GFM1: variants seen among roughly 807,000 people sequenced by gnomAD.
GFM1 encodes the protein G elongation factor mitochondrial 1.
GFM1 carries 62 observed loss-of-function variants against 96.2 expected under a neutral mutation model. The ratio of observed to expected loss-of-function variants is 0.64; its 90% CI spans 0.53 to 0.80. The LOEUF is 0.80. Ranked by LOEUF, GFM1 falls within the 30% of genes least tolerant of loss-of-function variation. The pLI is 0.00. For synonymous variants in GFM1, 282 were observed against 312.9 expected (o/e 0.90, Z 1.04); for missense variants, 852 against 916.6 (o/e 0.93, Z 0.91).
At chr3:158,652,929 A>G (rs1263116122) in intron 6 of GFM1, among the ~76,000 whole-genome samples, 1 of 152,024 alleles carries the variant, frequency 6.6e-6, no homozygotes, top group Non-Finnish European at 1.5e-5. Context: ...ACCATTCCAT[A>G]GGCTTTTGGT....
At chr3:158,664,787 C>T (rs980115531) in intron 11 of GFM1, among the ~76,000 whole-genome samples, 2 of 152,106 alleles carry the variant, frequency 1.3e-5, no homozygotes, top group Admixed American at 6.6e-5. Flanking sequence ...ATTAGGGTAT[C>T]TTTGGAGGGC....
chr3:158,687,721 GCCT>G, intron 15 of GFM1, among the ~76,000 whole-genome samples: 1 of 152,194 alleles, frequency 6.6e-6, no homozygotes, highest in South Asian at 2.1e-4. Context: ...ACCTGCCTCC[GCCT>G]CCCAAAGTGC....
rs1402362655 is a variant in GFM1, at chr3:158,690,261, C to T, written c.2008C>T (p.Arg670Ter). 14 of 1,613,570 alleles carry T rather than the reference C, an allele frequency of 8.7e-6. No homozygotes were observed. Among genetic ancestry groups the T allele is most frequent in the South Asian group, 4.4e-5 (4 of 91,076 alleles). ...FQGQVIAGINRRHGVITGQDG... is the reference protein window; with the variant it reads ...FQGQVIAGIN ...GGGACAAGTAATTGCAGGAATTAACCGACGCCATGGGGTAATCACTGGGCA... is the reference window on the plus strand; with the variant it reads ...GGGACAAGTAATTGCAGGAATTAACTGACGCCATGGGGTAATCACTGGGCA... The change falls in exon 16 of 18, where the codon CGA (arginine) becomes TGA (stop). Residue 670 changes from arginine (R) to a stop codon, truncating the protein, a stop_gained. Transcript: ENST00000486715. LOFTEE classifies it high-confidence loss of function.
At chr3:158,669,995 A>T (rs1724124062) in intron 13 of GFM1, among the ~76,000 whole-genome samples, 1 of 152,220 alleles carries the variant, frequency 6.6e-6, no homozygotes, top group Non-Finnish European at 1.5e-5. Flanking sequence ...CTGAAATAAC[A>T]AAGTTTTTGA....
intron 5 of GFM1, 143 bp downstream of exon 5, chr3:158,649,300 C>A: frequency 1.8e-6 from 1 of 565,382 alleles, no homozygotes; most frequent in Non-Finnish European, 3.2e-6. Flanking sequence ...GTTTTAATAC[C>A]TTTAATCCTA....
intron 13 of GFM1, among the ~76,000 whole-genome samples, chr3:158,678,784 A>G (rs973442180): frequency 2.6e-5 from 4 of 152,242 alleles, no homozygotes; most frequent in African/African-American, 9.6e-5. Context: ...TCTACTATGG[A>G]TATAATGCTA....
In GFM1 at chr3:158,652,199, G is replaced by C; in HGVS notation, c.793G>C (p.Gly265Arg). Reference protein sequence around the residue: ...ECVANSDEQLGEMFLEEKIPS... With the variant: ...ECVANSDEQLREMFLEEKIPS... Reference sequence around the variant, plus strand: ...TGTTGCCAATTCAGATGAACAGCTTGGTGAGATGTTTCTGGAAGAAAAAAT... The same window carrying C: ...TGTTGCCAATTCAGATGAACAGCTTCGTGAGATGTTTCTGGAAGAAAAAAT... The change falls in exon 6 of 18, where the codon GGT (glycine) becomes CGT (arginine). Residue 265 changes from glycine (G) to arginine (R), a missense_variant. Transcript: ENST00000486715. 6.2e-7 allele frequency: 1 copy of C among 1,613,992 alleles called. No homozygotes were observed. Among genetic ancestry groups the C allele is most frequent in the Non-Finnish European group, 8.5e-7 (1 of 1,179,908 alleles).
At chr3:158,668,133 A>G (rs1004547324) in intron 13 of GFM1, among the ~76,000 whole-genome samples, 3 of 152,198 alleles carry the variant, frequency 2.0e-5, no homozygotes, top group Non-Finnish European at 2.9e-5. Flanking sequence ...GTCCCTTAGT[A>G]TCCATGGAGG....
intron 13 of GFM1, among the ~76,000 whole-genome samples, chr3:158,680,153 T>A (rs1725244758): frequency 6.6e-6 from 1 of 152,194 alleles, no homozygotes; most frequent in African/African-American, 2.4e-5. Context: ...TTTTTCTTTT[T>A]CAATTAAAAA....
chr3:158,676,275 A>ATT (rs986224581), intron 13 of GFM1, among the ~76,000 whole-genome samples: 1 of 152,128 alleles, frequency 6.6e-6, no homozygotes, highest in Non-Finnish European at 1.5e-5. Context: ...TCAAAAAAAA[A>ATT]TTTTAGCTTG....
chr3:158,649,879 A>G, intron 5 of GFM1: 1 of 739,822 alleles, frequency 1.4e-6, no homozygotes, highest in East Asian at 2.7e-5. Flanking sequence ...GAAGGTTTCC[A>G]GTTGATGCTG....
intron 13 of GFM1, 122 bp downstream of exon 13, chr3:158,666,508 C>G: frequency 9.0e-7 from 1 of 1,113,234 alleles, no homozygotes; most frequent in Non-Finnish European, 1.4e-6. Flanking sequence ...ATTATGGACT[C>G]TATAAAGTTC....
At chr3:158,672,409 G>A in intron 13 of GFM1, 1 of 1,614,092 alleles carries the variant, frequency 6.2e-7, no homozygotes, top group African/African-American at 1.3e-5. Flanking sequence ...GTCCCCTGCT[G>A]GTAGTTGATG....
chr3:158,691,156 G>A lies in GFM1; in HGVS notation c.2088G>A (p.Met696Ile), dbSNP rs1726280574. 1.2e-6 allele frequency: 2 copies of A among 1,611,868 alleles called. No homozygotes were observed. The highest frequency in any genetic ancestry group is 1.6e-4 in the Middle Eastern group (1 of 6,078). ...TLYADVPLND[M>I]FGYSTELRSC... is the part of the protein sequence containing the mutation. ...GTTTTCAGGTCCCTCTAAATGATAT[G>A]TTTGGTTATTCCACTGAACTTAGGT... Residue 696 changes from methionine (M) to isoleucine (I), a missense_variant, in exon 17 of 18, where the codon ATG becomes ATA. Met to Ile is a conservative substitution (Grantham distance 10). Transcript: ENST00000486715.
In GFM1 at chr3:158,691,494, C is replaced by G. The variant is rs950962826; in HGVS notation, c.*27C>G. The G allele has an allele frequency of 1.9e-6, 3 of 1,611,674 alleles. No individual in the cohort carries two copies. In the Admixed American group the frequency reaches 5.0e-5, roughly 27 times the overall value. On this transcript the variant is annotated 3_prime_UTR_variant, in exon 18 of 18. Transcript: ENST00000486715. ...TTTGCTTACTGTGAGTTGACTGACT[C>G]TAATTGAATCTGCGTGGTTTTGATA...
rs1381317726 is a variant in GFM1, at chr3:158,649,078, C to T, written c.610C>T (p.Pro204Ser). Residue 204 changes from proline to serine, a missense_variant, in exon 5 of 18, where the codon CCC (proline) becomes TCC (serine). Pro to Ser is a moderately conservative substitution (Grantham distance 74, BLOSUM62 -1). Transcript: ENST00000486715. The part of the protein sequence containing the change: ...LNHNAAFMQI[P>S]MGLEGNFKGI... ...TCATAATGCAGCGTTTATGCAGATA[C>T]CCATGGGTTTGGAGGGTAATTTTAA... The T allele has an allele frequency of 6.4e-7, 1 of 1,568,366 alleles. No individual in the cohort carries two copies. The highest frequency in any genetic ancestry group is 1.4e-5 in the African/African-American group (1 of 73,874).
At position 158,662,685 on chromosome 3, in the gene GFM1, G is replaced by C. The variant is rs1456835520; in HGVS notation, c.1380+1G>C. 6.3e-7 allele frequency: 1 copy of C among 1,577,478 alleles called. No homozygotes were observed. Among genetic ancestry groups the C allele is most frequent in the Non-Finnish European group, 8.7e-7 (1 of 1,147,132 alleles). ...AATAGCAATGAAGCCTTCTAACAAG[G>C]TAGGAGTTTGATTTAAAGCTCAGTA... On this transcript the variant is annotated splice_donor_variant, in intron 11 of 17. Coordinates refer to ENST00000486715, the MANE Select transcript of GFM1 (RefSeq NM_024996.7). LOFTEE classifies it high-confidence loss of function.
intron 15 of GFM1, among the ~76,000 whole-genome samples, chr3:158,689,876 T>A (rs556218419): frequency 4.5e-4 from 68 of 152,270 alleles, no homozygotes; most frequent in Non-Finnish European, 2.1e-4. Flanking sequence ...AAGGACTTCA[T>A]CAGATGTTGT....
chr3:158,686,667 T>C (rs1378967251), intron 15 of GFM1, among the ~76,000 whole-genome samples: 1 of 150,022 alleles, frequency 6.7e-6, no homozygotes, highest in Non-Finnish European at 1.5e-5. Context: ...TTAAGTATAA[T>C]TAATTGCCTA....
Sources: allele counts gnomAD v4.1 joint callset (sites outside exome capture counted in the v4.1 genomes callset), GRCh38; gene constraint gnomAD v4.1.1; transcripts MANE v1.5; gene names NCBI Gene and HGNC (gene_info 2026-07-23, HGNC 2026-07-21).